The following ESR1 variants were observed in gnomAD, a reference collection of about 807,000 sequenced individuals.
ESR1 encodes the protein estrogen receptor.
Under a neutral mutation model 52.7 loss-of-function variants are expected in ESR1, and 12 were observed. The ratio of observed to expected loss-of-function variants is 0.23; its 90% CI spans 0.15 to 0.37. The LOEUF is 0.37. Ranked by LOEUF, ESR1 falls within the 10% of genes least tolerant of loss-of-function variation. ESR1 has a pLI of 1.00. For missense variants in ESR1, 584 were observed against 779.7 expected, an observed-to-expected ratio of 0.75 and a Z score of 2.99; for synonymous variants, 305 against 316.8, an observed-to-expected ratio of 0.96 and a Z score of 0.39.
chr6:151,793,733 T>C (rs1179618537), intron 2 of ESR1, among the ~76,000 whole-genome samples: 1 of 152,178 alleles, frequency 6.6e-6, no homozygotes, highest in Non-Finnish European at 1.5e-5. Flanking sequence ...TGCATGACTA[T>C]ATTTACTGAG....
chr6:152,087,815 A>G (rs1260651231), intron 6 of ESR1, among the ~76,000 whole-genome samples: 1 of 152,200 alleles, frequency 6.6e-6, no homozygotes, highest in Non-Finnish European at 1.5e-5. Context: ...TAGTCTTGTG[A>G]TTTGTCATCA....
At chr6:151,695,618 T>C (rs1279649051) in intron 1 of ESR1, among the ~76,000 whole-genome samples, 1 of 152,242 alleles carries the variant, frequency 6.6e-6, no homozygotes, top group Non-Finnish European at 1.5e-5. Flanking sequence ...AGATCCTTCT[T>C]TCCTCTGCTG....
intron 3 of ESR1, among the ~76,000 whole-genome samples, chr6:151,895,594 G>C (rs1407847781): frequency 2.6e-5 from 4 of 152,128 alleles, no homozygotes; most frequent in African/African-American, 4.8e-5. Flanking sequence ...AATCATAAAG[G>C]GATGCTGGAT....
chr6:151,851,817 C>T (rs1447591283), intron 2 of ESR1, among the ~76,000 whole-genome samples: 1 of 152,146 alleles, frequency 6.6e-6, no homozygotes, highest in Non-Finnish European at 1.5e-5. Context: ...CGTGAGCCGC[C>T]GCACCCGGCT....
intron 2 of ESR1, among the ~76,000 whole-genome samples, chr6:151,770,478 T>C (rs956219817): frequency 1.3e-5 from 2 of 152,124 alleles, no homozygotes; most frequent in Admixed American, 1.3e-4. Flanking sequence ...ACATCAGTTA[T>C]TAAATCTAAT....
At chr6:151,797,676 G>C (rs1776843274) in intron 2 of ESR1, among the ~76,000 whole-genome samples, 1 of 152,192 alleles carries the variant, frequency 6.6e-6, no homozygotes, top group Non-Finnish European at 1.5e-5. Flanking sequence ...TAAGAACAAT[G>C]ATGATCCCTG....
intron 2 of ESR1, among the ~76,000 whole-genome samples, chr6:151,744,755 T>A (rs185008034): frequency 6.6e-6 from 1 of 152,352 alleles, no homozygotes; most frequent in East Asian, 1.9e-4. Flanking sequence ...TGGTTACTTG[T>A]GCTTTATGTG....
intron 5 of ESR1, among the ~76,000 whole-genome samples, chr6:152,038,169 G>T (rs557398959): frequency 6.6e-6 from 1 of 152,312 alleles, no homozygotes; most frequent in East Asian, 1.9e-4. Context: ...GGAGTCCAAT[G>T]TTTGAGGGCA....
intron 7 of ESR1, among the ~76,000 whole-genome samples, chr6:152,095,266 C>A (rs1252105663): frequency 6.6e-6 from 1 of 152,216 alleles, no homozygotes; most frequent in Non-Finnish European, 1.5e-5. Context: ...TTTTATTACT[C>A]CTTATGATTC....
At chr6:151,917,089 C>T (rs1165391460) in intron 3 of ESR1, among the ~76,000 whole-genome samples, 2 of 152,174 alleles carry the variant, frequency 1.3e-5, no homozygotes, top group African/African-American at 2.4e-5. Context: ...GGGAAGACTC[C>T]TCCATGACCA....
chr6:151,756,174 A>G (rs1784268515), intron 2 of ESR1, among the ~76,000 whole-genome samples: 1 of 151,762 alleles, frequency 6.6e-6, no homozygotes, highest in Non-Finnish European at 1.5e-5. Flanking sequence ...CATATTTAAC[A>G]CTGCATCTTC....
At chr6:152,122,353 G>A in intron 6 of ESR1, 1 of 1,609,970 alleles carries the variant, frequency 6.2e-7, no homozygotes, top group South Asian at 1.1e-5. Flanking sequence ...CAAGATCAAG[G>A]TCCTCTTGTT....
chr6:151,792,204 A>C (rs77939120), intron 2 of ESR1, among the ~76,000 whole-genome samples: 8,814 of 152,274 alleles, frequency 0.058, 602 homozygotes, highest in African/African-American at 0.17. Context: ...AGAGATAAAA[A>C]ATGGTCCACC....
At chr6:151,922,772 C>T (rs148837936) in intron 3 of ESR1, among the ~76,000 whole-genome samples, 94 of 152,232 alleles carry the variant, frequency 6.2e-4, no homozygotes, top group Admixed American at 9.8e-4. Flanking sequence ...TGTGTTGTTA[C>T]TTCTAGATCC....
intron 2 of ESR1, among the ~76,000 whole-genome samples, chr6:151,759,656 C>G (rs1308191192): frequency 6.6e-6 from 1 of 152,186 alleles, no homozygotes; most frequent in African/African-American, 2.4e-5. Flanking sequence ...CTGCAGAACA[C>G]CAGTTGGTGG....
At chr6:151,940,376 G>A (rs76128765) in intron 3 of ESR1, among the ~76,000 whole-genome samples, 3 of 152,094 alleles carry the variant, frequency 2.0e-5, no homozygotes, top group South Asian at 2.1e-4. Context: ...ATTTGTTAGC[G>A]CTAAGTGAAT....
intron 2 of ESR1, among the ~76,000 whole-genome samples, chr6:151,740,285 A>ATTTTTTTTTTTTTTTTTTTTTTTTTT (rs386408967): frequency 2.8e-5 from 3 of 108,008 alleles, no homozygotes; most frequent in Non-Finnish European, 5.4e-5. Flanking sequence ...TGCCTGGCTA[A>ATTTTTTTTTTTTTTTTTTTTTTTTTT]TTTTTTTTTT....
rs771681996 is a variant in ESR1 at position 151,944,211 on chromosome 6, C to T, written c.799C>T (p.His267Tyr). 3 of 1,613,950 alleles carry T rather than the reference C, an allele frequency of 1.9e-6. No homozygotes were observed. The highest frequency in any genetic ancestry group is 2.5e-6 in the Non-Finnish European group (3 of 1,180,008). Residue 267 changes from histidine (H) to tyrosine (Y), a missense_variant, in exon 4 of 8, where the codon CAC (histidine) becomes TAC (tyrosine). Coordinates refer to ENST00000206249, the MANE Select transcript of ESR1 (RefSeq NM_000125.4). The part of the protein sequence containing the change: ...KDRRGGRMLK[H>Y]KRQRDDGEGR... ...CCGAAGAGGAGGGAGAATGTTGAAA[C>T]ACAAGCGCCAGAGAGATGATGGGGA...
intron 2 of ESR1, among the ~76,000 whole-genome samples, chr6:151,849,888 C>G (rs1358928412): frequency 6.7e-6 from 1 of 148,882 alleles, no homozygotes; most frequent in African/African-American, 2.5e-5. Context: ...CTCCTCAGCT[C>G]TCTAAAGTGG....
Sources: allele counts gnomAD v4.1 joint callset (sites outside exome capture counted in the v4.1 genomes callset), GRCh38; gene constraint gnomAD v4.1.1; transcripts MANE v1.5; gene names NCBI Gene and HGNC (gene_info 2026-07-23, HGNC 2026-07-21).